The following CROCC2 variants were observed in gnomAD, a reference collection of about 807,000 sequenced individuals.
CROCC2 encodes ciliary rootlet coiled-coil protein 2.
In CROCC2, 163 loss-of-function variants were observed where a neutral mutation model predicts 177.6. That is an observed-to-expected ratio of 0.92 (90% CI 0.81 to 1.05). The LOEUF (loss-of-function observed/expected upper bound fraction) is 1.05. CROCC2 is among the 50% of genes least tolerant of loss of function. The pLI, the probability that CROCC2 is intolerant of heterozygous loss-of-function variation, is 0.00. For synonymous variants in CROCC2, 904 were observed against 787.3 expected, an observed-to-expected ratio of 1.15 and a Z score of -2.48; for missense variants, 1,929 against 1,797.8, an observed-to-expected ratio of 1.07 and a Z score of -1.32.
intron 14 of CROCC2, 93 bp downstream of exon 14, chr2:240,935,681 G>A: frequency 1.1e-6 from 1 of 939,660 alleles, no homozygotes; most frequent in Non-Finnish European, 1.5e-6. Flanking sequence ...GGCAGGCTCA[G>A]GATGCCCACA....
chr2:240,911,147 AT>A (rs2059285741), intron 1 of CROCC2, among the ~76,000 whole-genome samples: 1 of 152,110 alleles, frequency 6.6e-6, no homozygotes. Context: ...AATAAAATAA[AT>A]TTTTAAAAAA....
chr2:240,966,059 T>C (rs1213442520), intron 24 of CROCC2, 66 bp downstream of exon 24: 12 of 1,299,438 alleles, frequency 9.2e-6, no homozygotes, highest in Non-Finnish European at 1.1e-5. Flanking sequence ...GGCACCTCTC[T>C]TTCAGGCCTC....
intron 2 of CROCC2, 54 bp from the exon 3 acceptor site, chr2:240,919,929 T>C: frequency 1.6e-6 from 1 of 632,274 alleles, no homozygotes. Context: ...GGCACAAGGC[T>C]GAGTGTGGGT....
chr2:240,961,208 A>G lies in CROCC2; in HGVS notation c.3087+1764A>G, dbSNP rs542844628. 2.0e-5 allele frequency among the ~76,000 whole-genome samples: 3 copies of G among 152,236 alleles called. No homozygotes were observed. The East Asian group carries it at 5.8e-4, about 29-fold the overall frequency. The stretch of plus-strand genomic sequence containing the variant: ...ACTGGAGGAACTTCCAGTCTCTCAG[A>G]CCCTGCCTGAGGTCCACACGTGTGC... On this transcript the variant is annotated intron_variant, in intron 20 of 31. Coordinates refer to ENST00000690015, the MANE Select transcript of CROCC2 (RefSeq NM_001351305.2).
intron 1 of CROCC2, among the ~76,000 whole-genome samples, chr2:240,912,064 A>G (rs2059292068): frequency 6.6e-6 from 1 of 152,198 alleles, no homozygotes. Context: ...GAGACCTGTC[A>G]TGCTGTCTTC....
chr2:240,936,448 C>T (rs757234315), intron 14 of CROCC2, among the ~76,000 whole-genome samples: 15 of 152,182 alleles, frequency 9.9e-5, no homozygotes, highest in Non-Finnish European at 1.6e-4. Flanking sequence ...AGTGTGGACG[C>T]TTTTGTGTCC....
intron 6 of CROCC2, 28 bp from the exon 7 acceptor site, chr2:240,930,903 C>T (rs552351048): frequency 1.2e-4 from 82 of 688,796 alleles, no homozygotes; most frequent in African/African-American, 9.5e-4. Flanking sequence ...GTCCTGAGTC[C>T]GCCACAGATG....
chr2:240,911,773 T>G (rs2059290498), intron 1 of CROCC2, among the ~76,000 whole-genome samples: 1 of 152,162 alleles, frequency 6.6e-6, no homozygotes, highest in African/African-American at 2.4e-5. Flanking sequence ...CTTATTTCAC[T>G]GAGCATGACA....
At chr2:240,919,890 G>GGCCCCCC in intron 2 of CROCC2, 93 bp from the exon 3 acceptor site, 1 of 591,410 alleles carries the variant, frequency 1.7e-6, no homozygotes, top group Non-Finnish European at 3.1e-6. Flanking sequence ...GAGCCTGGTG[G>GGCCCCCC]CCAGCCCAGG....
chr2:240,938,900 C>T (rs1435763543), intron 14 of CROCC2, among the ~76,000 whole-genome samples: 1 of 151,972 alleles, frequency 6.6e-6, no homozygotes, highest in Non-Finnish European at 1.5e-5. Context: ...AGTCATGTGA[C>T]CTTGACAAAT....
intron 1 of CROCC2, among the ~76,000 whole-genome samples, chr2:240,912,441 C>A (rs1047782766): frequency 6.6e-5 from 10 of 152,206 alleles, no homozygotes; most frequent in African/African-American, 2.4e-4. Flanking sequence ...TTTGCTGGAA[C>A]AGCTCACAGA....
In CROCC2 at chr2:240,981,018, G is replaced by T; in HGVS notation, c.4402-1862G>T. On this transcript the variant is annotated intron_variant, in intron 27 of 31. Coordinates refer to ENST00000690015, the MANE Select transcript of CROCC2 (RefSeq NM_001351305.2). ...AGACTCATCCCTGCTCAGTCTCTGG[G>T]GTAGGAGCCTCAGGAGCCCAGGCTC... Among the ~76,000 whole-genome samples, 2 of 104,176 alleles carry T rather than the reference G, an allele frequency of 1.9e-5. 1 individual carries two copies. Among genetic ancestry groups the T allele is most frequent in the Admixed American group, 2.0e-4 (2 of 10,230 alleles). 68.3% of individuals were successfully genotyped at this position (104,176 alleles called of 152,430 possible).
rs184764026 is a variant in CROCC2 at position 240,933,849 on chromosome 2, C to A, written c.1643C>A (p.Thr548Asn). The A allele has an allele frequency of 6.5e-6, 10 of 1,544,550 alleles. No homozygotes were observed. The Admixed American group carries it at 7.9e-5, about 12-fold the overall frequency. ...GAGCGGAGCTGCAGGGCACTGGAGA[C>A]CAGGTGCGCGGCCGTGGCTGGGTGG... ...RRERSCRALE[T>N]SQGRLQQLEE... The change falls in exon 11 of 32, where the codon ACC becomes AAC. Residue 548 changes from threonine (T) to asparagine (N), a missense_variant. By Grantham distance (65) the Thr-to-Asn change is moderately conservative. This residue lies in a region of CROCC2 where 1,397 missense variants were observed against 1,239.9 expected (regional missense o/e 1.13). Transcript: ENST00000690015.
intron 28 of CROCC2, chr2:240,983,702 A>C (rs1282524866): frequency 1.8e-6 from 2 of 1,126,204 alleles, no homozygotes; most frequent in Non-Finnish European, 2.4e-6. Flanking sequence ...GCGGGGTGGC[A>C]CTAAGCTCAG....
rs1481374341 is a variant in CROCC2, at chr2:240,973,412, T to C, written c.4401+5150T>C. ...TCACTCAGCATCACCCACAGCCTCATGCCCGCTCAGAAAGGCCCCCCATGC... is the reference window on the plus strand; with the variant it reads ...TCACTCAGCATCACCCACAGCCTCACGCCCGCTCAGAAAGGCCCCCCATGC... On this transcript the variant is annotated intron_variant, in intron 27 of 31. Transcript: ENST00000690015. The surrounding 1 kb of genome is among the most constrained non-coding windows in gnomAD (Gnocchi z 4.7). Among the ~76,000 whole-genome samples, 1 of 151,096 alleles carries C rather than the reference T, an allele frequency of 6.6e-6. No homozygotes were observed. The highest frequency in any genetic ancestry group is 1.5e-5 in the Non-Finnish European group (1 of 67,798).
chr2:240,956,704 G>C lies in CROCC2; in HGVS notation c.2943+732G>C, dbSNP rs80322406. On this transcript the variant is annotated intron_variant, in intron 19 of 31. Transcript: ENST00000690015. The stretch of plus-strand genomic sequence containing the variant: ...AGGGAGGAGCGCTCTGGAGAGGAGG[G>C]CTCTGGGGAGCAGGGGAGGAGGACT... 5.2e-3 allele frequency among the ~76,000 whole-genome samples: 792 copies of C among 152,272 alleles called. 5 individuals carry two copies. Among genetic ancestry groups the C allele is most frequent in the African/African-American group, 0.018 (739 of 41,560 alleles).
In CROCC2 at chr2:240,989,795, T is replaced by C. The variant is rs765655990; in HGVS notation, c.4825T>C (p.Trp1609Arg). ...QATQALESQE[W>R]THQQQVKVLE... ...CACGCAGGCCCTGGAGTCCCAAGAATGGACCCACCAGCAGCAGGTAAAGGT... is the reference window on the plus strand; with the variant it reads ...CACGCAGGCCCTGGAGTCCCAAGAACGGACCCACCAGCAGCAGGTAAAGGT... Residue 1609 changes from tryptophan to arginine, a missense_variant, in exon 30 of 32, where the codon TGG becomes CGG. Around this residue, in one of 3 missense-constraint regions of CROCC2, gnomAD observed 388 missense variants for 352.7 expected, o/e 1.10. Coordinates refer to ENST00000690015, the MANE Select transcript of CROCC2 (RefSeq NM_001351305.2). 4 of 1,549,304 alleles carry C rather than the reference T, an allele frequency of 2.6e-6. No homozygotes were observed. The highest frequency in any genetic ancestry group is 2.4e-5 in the South Asian group (2 of 83,980).
intron 28 of CROCC2, among the ~76,000 whole-genome samples, chr2:240,985,727 TCACTCCACAC>T (rs2059836295): frequency 2.4e-5 from 1 of 42,092 alleles, no homozygotes; most frequent in Non-Finnish European, 4.6e-5. Context: ...ACCCAGGCAC[TCACTCCACAC>T]ACACACCCAG....
At chr2:240,937,637 A>G (rs1252136033) in intron 14 of CROCC2, among the ~76,000 whole-genome samples, 1 of 152,122 alleles carries the variant, frequency 6.6e-6, no homozygotes, top group East Asian at 1.9e-4. Context: ...CTACATTTTC[A>G]TCTGGCTTTC....
Sources: gnomAD v4.1 joint callset for allele counts (sites outside exome capture counted in the v4.1 genomes callset) on GRCh38, gnomAD v4.1.1 for gene constraint, gnomAD v4.1.1 regional missense constraint, Gnocchi (gnomAD v3.1) non-coding constraint, MANE v1.5 for transcripts, NCBI Gene and HGNC (gene_info 2026-07-23, HGNC 2026-07-21) for gene names.